IMMT: variants seen among roughly 807,000 people sequenced by gnomAD.
IMMT encodes inner membrane mitochondrial protein.
In IMMT, 40 loss-of-function variants were observed where a neutral mutation model predicts 92.7. The observed-to-expected ratio is 0.43, with a 90% CI of 0.34 to 0.56. IMMT has a LOEUF of 0.56. IMMT is among the 20% of genes least tolerant of loss of function. IMMT has a pLI of 0.03. For synonymous variants in IMMT, 322 were observed against 336.1 expected, an observed-to-expected ratio of 0.96 and a Z score of 0.46; for missense variants, 831 against 912.1, an observed-to-expected ratio of 0.91 and a Z score of 1.14.
At chr2:86,154,653 C>T (rs911620328) in intron 10 of IMMT, among the ~76,000 whole-genome samples, 5 of 152,172 alleles carry the variant, frequency 3.3e-5, no homozygotes, top group Admixed American at 3.3e-4. Context: ...TGAATTCAAA[C>T]TAAATTTTCA....
chr2:86,186,829 A>AT, intron 1 of IMMT, among the ~76,000 whole-genome samples: 1 of 152,230 alleles, frequency 6.6e-6, no homozygotes, highest in South Asian at 2.1e-4. Flanking sequence ...GCTGTAACTC[A>AT]TAAGAACAGA....
At position 86,171,862 on chromosome 2, in the gene IMMT, A is replaced by ATTTTTTT. The variant is rs10659146; in HGVS notation, c.422-518_422-517insAAAAAAA. On this transcript the variant is annotated intron_variant, in intron 4 of 14. Transcript: ENST00000410111. The stretch of plus-strand genomic sequence containing the variant: ...AGTTAAAATACATATATATATATAT[A>ATTTTTTT]TTTTTTGCACACTTTGGGAGGCCAA... 6.3e-3 allele frequency among the ~76,000 whole-genome samples: 941 copies of ATTTTTTT among 149,922 alleles called. 7 individuals are homozygous for ATTTTTTT. Among genetic ancestry groups the ATTTTTTT allele is most frequent in the African/African-American group, 0.022 (898 of 40,700 alleles).
intron 4 of IMMT, among the ~76,000 whole-genome samples, chr2:86,172,866 C>T (rs1438192365): frequency 1.3e-5 from 2 of 152,166 alleles, no homozygotes; most frequent in African/African-American, 4.8e-5. Context: ...GCTCAGATAA[C>T]CCCTTCCAGG....
At chr2:86,168,468 C>CA (rs1450823307) in intron 6 of IMMT, among the ~76,000 whole-genome samples, 1 of 152,028 alleles carries the variant, frequency 6.6e-6, no homozygotes, top group Non-Finnish European at 1.5e-5. Context: ...ACTAAAAATA[C>CA]AAAAATTATC....
At chr2:86,149,918 G>A (rs918038961) in intron 12 of IMMT, among the ~76,000 whole-genome samples, 1 of 151,612 alleles carries the variant, frequency 6.6e-6, no homozygotes, top group African/African-American at 2.4e-5. Flanking sequence ...AGAAAAAATA[G>A]TGGAAGCTGT....
intron 7 of IMMT, among the ~76,000 whole-genome samples, chr2:86,165,767 C>A (rs554320677): frequency 1.2e-4 from 18 of 149,610 alleles, no homozygotes; most frequent in South Asian, 1.1e-3. Flanking sequence ...TAATCATAAA[C>A]ATTTAAAATA....
chr2:86,159,516 A>T lies in IMMT; in HGVS notation c.1032+20T>A, dbSNP rs376611022. The stretch of plus-strand genomic sequence containing the variant: ...ATTATATTTTAAAATATAAAATACT[A>T]TAAGACTTAGGAAACATACCTTTTT... On this transcript the variant is annotated intron_variant, in intron 9 of 14. Coordinates refer to ENST00000410111, the MANE Select transcript of IMMT (RefSeq NM_006839.3). 6.6e-7 allele frequency: 1 copy of T among 1,508,338 alleles called. No homozygotes were observed. Among genetic ancestry groups the T allele is most frequent in the African/African-American group, 1.4e-5 (1 of 72,224 alleles). 93.4% of individuals were successfully genotyped at this position (1,508,338 alleles called of 1,614,324 possible). A position where few individuals can be genotyped will look rare whatever the true frequency, so the allele number is the denominator to read the frequency against.
chr2:86,167,171 T>A (rs1212262552), intron 6 of IMMT, among the ~76,000 whole-genome samples: 2 of 144,838 alleles, frequency 1.4e-5, no homozygotes, highest in Non-Finnish European at 3.0e-5. Context: ...TTATTACACT[T>A]CTTTTTTTTT....
At chr2:86,177,413 G>C (rs1260800164) in intron 3 of IMMT, among the ~76,000 whole-genome samples, 1 of 151,952 alleles carries the variant, frequency 6.6e-6, no homozygotes, top group African/African-American at 2.4e-5. Context: ...GACCAGCCTG[G>C]CCAACATGGT....
chr2:86,157,633 A>G lies in IMMT; in HGVS notation c.1162+959T>C, dbSNP rs540576042. On this transcript the variant is annotated intron_variant, in intron 10 of 14. Coordinates refer to ENST00000410111, the MANE Select transcript of IMMT (RefSeq NM_006839.3). ...AAACCCTGTCTCTACTAAAAGTACA[A>G]AAAAATTGGTTGGGCGCAGTGGCTC... Among the ~76,000 whole-genome samples, 4 of 152,036 alleles carry G rather than the reference A, an allele frequency of 2.6e-5. No homozygotes were observed. In the East Asian group the frequency reaches 7.8e-4, roughly 29 times the overall value.
At chr2:86,189,473 G>A (rs894418303) in intron 1 of IMMT, among the ~76,000 whole-genome samples, 19 of 152,136 alleles carry the variant, frequency 1.2e-4, no homozygotes, top group African/African-American at 4.1e-4. Flanking sequence ...GACCTCAAGT[G>A]TTCCGCCCCA....
At chr2:86,179,352 A>C in intron 3 of IMMT, 81 bp downstream of exon 3, 1 of 1,182,030 alleles carries the variant, frequency 8.5e-7, no homozygotes, top group Non-Finnish European at 1.2e-6. Flanking sequence ...ATACCAAAAG[A>C]CAACTGTATT....
chr2:86,148,566 T>C (rs964357624), intron 12 of IMMT, among the ~76,000 whole-genome samples: 2 of 152,132 alleles, frequency 1.3e-5, no homozygotes, highest in African/African-American at 4.8e-5. Context: ...GAGCCAAGAT[T>C]GCGCTGCTGC....
At chr2:86,180,080 AAAAT>A (rs58209730) in intron 2 of IMMT, among the ~76,000 whole-genome samples, 7 of 151,860 alleles carry the variant, frequency 4.6e-5, no homozygotes, top group East Asian at 1.9e-4. Flanking sequence ...CTTGTCTCAA[AAAAT>A]AAATAAATAA....
intron 3 of IMMT, among the ~76,000 whole-genome samples, chr2:86,178,450 C>T (rs1677596829): frequency 6.6e-6 from 1 of 151,424 alleles, no homozygotes; most frequent in Non-Finnish European, 1.5e-5. Context: ...CATGGTAAAA[C>T]CCCGTCCCTA....
intron 1 of IMMT, among the ~76,000 whole-genome samples, chr2:86,182,915 C>T (rs939645844): frequency 1.3e-5 from 2 of 151,796 alleles, no homozygotes; most frequent in African/African-American, 4.8e-5. Flanking sequence ...CAAAAAAAAC[C>T]CAGTATTTCA....
chr2:86,194,046 C>A (rs1673358086), intron 1 of IMMT, among the ~76,000 whole-genome samples: 1 of 152,184 alleles, frequency 6.6e-6, no homozygotes, highest in South Asian at 2.1e-4. Flanking sequence ...TATGAATGGC[C>A]TCTAGAGGCC....
chr2:86,180,409 G>A (rs1422558386), intron 2 of IMMT, among the ~76,000 whole-genome samples: 1 of 151,756 alleles, frequency 6.6e-6, no homozygotes, highest in African/African-American at 2.4e-5. Context: ...GGGATTACAG[G>A]CATGCGCCAC....
At chr2:86,185,086 G>A (rs1476585332) in intron 1 of IMMT, among the ~76,000 whole-genome samples, 1 of 152,008 alleles carries the variant, frequency 6.6e-6, no homozygotes, top group Non-Finnish European at 1.5e-5. Context: ...TACTCGGGAG[G>A]CTGAGGCAGC....
Sources: allele counts gnomAD v4.1 joint callset (sites outside exome capture counted in the v4.1 genomes callset), GRCh38; gene constraint gnomAD v4.1.1; transcripts MANE v1.5; gene names NCBI Gene and HGNC (gene_info 2026-07-23, HGNC 2026-07-21).